Variants in OSBPL3 observed in about 807,000 individuals in gnomAD.
OSBPL3 encodes the protein oxysterol binding protein like 3.
Under a neutral mutation model 120.1 loss-of-function variants are expected in OSBPL3, and 65 were observed. The ratio of observed to expected loss-of-function variants is 0.54; its 90% CI spans 0.44 to 0.67. OSBPL3 has a LOEUF of 0.67. Among genes scored for constraint, OSBPL3 ranks in the 30% least tolerant of loss-of-function variants. The pLI is 0.00. For synonymous variants in OSBPL3, 416 were observed against 402.6 expected (o/e 1.03, Z -0.40); for missense variants, 1,004 against 1,082.1 (o/e 0.93, Z 1.01).
At chr7:24,971,096 C>A (rs969741996) in intron 1 of OSBPL3, among the ~76,000 whole-genome samples, 7 of 152,194 alleles carry the variant, frequency 4.6e-5, no homozygotes, top group Non-Finnish European at 1.0e-4. Flanking sequence ...GGCCCAAGGC[C>A]CCAGAGGCAG....
chr7:24,834,340 AG>A lies in OSBPL3; in HGVS notation c.1746+145del. On this transcript the variant is annotated intron_variant, in intron 15 of 22. Transcript: ENST00000313367. The surrounding 1 kb of genome is among the most constrained non-coding windows in gnomAD (Gnocchi z 5.2). ...TGGAAACAGCCAGGCGGAGGAAGCCAGACAGCTCTGAGTAATGAACCTGTTT... is the reference window on the plus strand; with the variant it reads ...TGGAAACAGCCAGGCGGAGGAAGCCAACAGCTCTGAGTAATGAACCTGTTT... 1 of 1,486,532 alleles carries A rather than the reference AG, an allele frequency of 6.7e-7. No homozygotes were observed. Among genetic ancestry groups the A allele is most frequent in the East Asian group, 2.4e-5 (1 of 41,930 alleles). The allele number at this position is 1,486,532 out of a possible 1,614,324, so 92.1% of individuals were successfully genotyped here.
chr7:24,962,324 A>G (rs1314533760), intron 1 of OSBPL3, among the ~76,000 whole-genome samples: 1 of 150,004 alleles, frequency 6.7e-6, no homozygotes, highest in Non-Finnish European at 1.5e-5. Context: ...AGAAAGACAG[A>G]AAGACAAGAA....
rs374117275 is a variant in OSBPL3 at position 24,917,770 on chromosome 7, G to C, written c.-149-25149C>G. Among the ~76,000 whole-genome samples, 11 of 152,100 alleles carry C rather than the reference G, an allele frequency of 7.2e-5. No homozygotes were observed. In the East Asian group the frequency reaches 2.1e-3, roughly 29 times the overall value. Reference sequence around the variant, plus strand: ...AGACTCCAGAGACTAGTCATCTTTGGGAAGTCCTGCTCTTAAACATTCACT... The same window carrying C: ...AGACTCCAGAGACTAGTCATCTTTGCGAAGTCCTGCTCTTAAACATTCACT... On this transcript the variant is annotated intron_variant, in intron 1 of 22. Transcript: ENST00000313367.
At chr7:24,960,340 T>C (rs958914108) in intron 1 of OSBPL3, among the ~76,000 whole-genome samples, 1 of 152,124 alleles carries the variant, frequency 6.6e-6, no homozygotes, top group Non-Finnish European at 1.5e-5. Context: ...AGAAACCTAA[T>C]CAAAATGGTT....
At chr7:24,926,789 G>C (rs1339780123) in intron 1 of OSBPL3, among the ~76,000 whole-genome samples, 1 of 152,126 alleles carries the variant, frequency 6.6e-6, no homozygotes, top group Non-Finnish European at 1.5e-5. Context: ...TCTCCTACCT[G>C]AACTGTAAGC....
In OSBPL3 at chr7:24,809,926, T is replaced by C. The variant is rs776695237; in HGVS notation, c.2198A>G (p.His733Arg). 6.2e-7 allele frequency: 1 copy of C among 1,614,192 alleles called. No homozygotes were observed. The highest frequency in any genetic ancestry group is 8.5e-7 in the Non-Finnish European group (1 of 1,179,992). Residue 733 changes from histidine to arginine, a missense_variant, in exon 20 of 23, where the codon CAT becomes CGT. By Grantham distance (29) the His-to-Arg change is conservative. Coordinates refer to ENST00000313367, the MANE Select transcript of OSBPL3 (RefSeq NM_015550.4). ...IKAKYWSTNA[H>R]EIEGTVFDRS... is the part of the protein sequence containing the mutation. The stretch of plus-strand genomic sequence containing the variant: ...GTCAAACACTGTGCCTTCAATCTCA[T>C]GGGCATTAGTGCTCCAGTATTTTGC...
chr7:24,957,006 C>A (rs1365508565), intron 1 of OSBPL3, among the ~76,000 whole-genome samples: 3 of 152,132 alleles, frequency 2.0e-5, no homozygotes, highest in Non-Finnish European at 4.4e-5. Flanking sequence ...ATCAGTATAA[C>A]TAGAATAAGT....
intron 16 of OSBPL3, among the ~76,000 whole-genome samples, chr7:24,826,398 T>G (rs1562782584): frequency 1.3e-5 from 2 of 151,698 alleles, no homozygotes; most frequent in African/African-American, 4.8e-5. Flanking sequence ...ACCACAGGAG[T>G]GGAGAACAAA....
rs1562924714 is a variant in OSBPL3, at chr7:24,917,405, T to TATATATATATATATATATTTGTAAC, written c.-149-24785_-149-24784insGTTACAAATATATATATATATATAT. Among the ~76,000 whole-genome samples the TATATATATATATATATATTTGTAAC allele has an allele frequency of 9.1e-4, 82 of 90,258 alleles. 3 individuals carry two copies. The East Asian group carries it at 0.031, about 34-fold the overall frequency. The allele number at this position is 90,258 out of a possible 152,430, so 59.2% of individuals were successfully genotyped here. ...AACATATATATATATTTGTAACATA[T>TATATATATATATATATATTTGTAAC]ATATATATATATATATATATATTTG... On this transcript the variant is annotated intron_variant, in intron 1 of 22. Coordinates refer to ENST00000313367, the MANE Select transcript of OSBPL3 (RefSeq NM_015550.4).
At position 24,950,704 on chromosome 7, in the gene OSBPL3, A is replaced by G. The variant is rs1814317833; in HGVS notation, c.-150+29182T>C. 2.6e-5 allele frequency among the ~76,000 whole-genome samples: 4 copies of G among 152,256 alleles called. No individual in the cohort carries two copies. The South Asian group carries it at 8.3e-4, about 31-fold the overall frequency. On this transcript the variant is annotated intron_variant, in intron 1 of 22. Transcript: ENST00000313367. The stretch of plus-strand genomic sequence containing the variant: ...GCCACTGCACTCCAGCCTGGGCAAC[A>G]GAGTGAGACTCCGTCTCAAAAAACA...
At chr7:24,848,998 C>A (rs1798783152) in intron 12 of OSBPL3, 71 bp downstream of exon 12, 1 of 1,067,546 alleles carries the variant, frequency 9.4e-7, no homozygotes, top group Non-Finnish European at 1.4e-6. Flanking sequence ...GGAGGTCGTG[C>A]AATGGGACAG....
intron 1 of OSBPL3, among the ~76,000 whole-genome samples, chr7:24,970,728 A>T (rs1443885324): frequency 6.6e-6 from 1 of 152,202 alleles, no homozygotes; most frequent in Non-Finnish European, 1.5e-5. Context: ...TGTACATAAT[A>T]AATTGTTTTT....
In OSBPL3 at chr7:24,968,723, C is replaced by T. The variant is rs1000765042; in HGVS notation, c.-150+11163G>A. On this transcript the variant is annotated intron_variant, in intron 1 of 22. Transcript: ENST00000313367. This position sits in a 1 kb window ranked among gnomAD's most constrained non-coding sequence, Gnocchi z 4.6. Reference sequence around the variant, plus strand: ...AGCCCACCAATTTTATCCATGTGTGCATATATGCATGAATATATGTCCATG... The same window carrying T: ...AGCCCACCAATTTTATCCATGTGTGTATATATGCATGAATATATGTCCATG... Among the ~76,000 whole-genome samples the T allele has an allele frequency of 1.3e-5, 2 of 152,160 alleles. No individual in the cohort carries two copies. Among genetic ancestry groups the T allele is most frequent in the Non-Finnish European group, 2.9e-5 (2 of 68,022 alleles).
intron 10 of OSBPL3, among the ~76,000 whole-genome samples, chr7:24,859,325 T>C (rs900843957): frequency 6.6e-6 from 1 of 152,022 alleles, no homozygotes; most frequent in Non-Finnish European, 1.5e-5. Context: ...ATCCATTTTC[T>C]CTTTAAGAAA....
Position 24,922,896 on chromosome 7 carries a change from C to G in OSBPL3, c.-149-30275G>C, listed in dbSNP as rs1361492334. 1.3e-5 allele frequency among the ~76,000 whole-genome samples: 2 copies of G among 151,596 alleles called. No homozygotes were observed. The highest frequency in any genetic ancestry group is 2.9e-5 in the Non-Finnish European group (2 of 67,980). ...CAAAGCAAGCTTATTACTTTAGGGT[C>G]GATGCAGCAAACAAACAAAAAAGCA... On this transcript the variant is annotated intron_variant, in intron 1 of 22. Coordinates refer to ENST00000313367, the MANE Select transcript of OSBPL3 (RefSeq NM_015550.4). The surrounding 1 kb of genome is among the most constrained non-coding windows in gnomAD (Gnocchi z 4.3).
Position 24,806,369 on chromosome 7 carries a change from C to T in OSBPL3, c.2444+407G>A, listed in dbSNP as rs913719304. On this transcript the variant is annotated intron_variant, in intron 21 of 22. Transcript: ENST00000313367. This position sits in a 1 kb window ranked among gnomAD's most constrained non-coding sequence, Gnocchi z 5.2. ...ACTGAGGCCAGGAAAGATGAAAAGA[C>T]CTACCATATATCACACACCTTGTGA... Among the ~76,000 whole-genome samples, 1 of 152,168 alleles carries T rather than the reference C, an allele frequency of 6.6e-6. No homozygotes were observed. The highest frequency in any genetic ancestry group is 1.5e-5 in the Non-Finnish European group (1 of 68,048).
At chr7:24,858,213 T>C (rs1467934526) in intron 10 of OSBPL3, among the ~76,000 whole-genome samples, 2 of 152,256 alleles carry the variant, frequency 1.3e-5, no homozygotes, top group Non-Finnish European at 2.9e-5. Flanking sequence ...AGAATTCAGA[T>C]GCATTTAACA....
intron 16 of OSBPL3, among the ~76,000 whole-genome samples, chr7:24,826,369 A>G (rs1042069251): frequency 6.6e-6 from 1 of 152,186 alleles, no homozygotes; most frequent in Non-Finnish European, 1.5e-5. Context: ...CCTCTTTCAC[A>G]AAGGCCACAC....
At chr7:24,960,039 T>C (rs77359126) in intron 1 of OSBPL3, among the ~76,000 whole-genome samples, 2,064 of 152,256 alleles carry the variant, frequency 0.014, 27 homozygotes, top group African/African-American at 0.037. Context: ...AAATAGCTAT[T>C]ACTCTTAAAT....
Sources: allele counts gnomAD v4.1 joint callset (sites outside exome capture counted in the v4.1 genomes callset), GRCh38; gene constraint gnomAD v4.1.1; non-coding constraint Gnocchi (gnomAD v3.1); transcripts MANE v1.5; gene names NCBI Gene and HGNC (gene_info 2026-07-23, HGNC 2026-07-21).